ITPR2: variants seen among roughly 807,000 people sequenced by gnomAD.
ITPR2 encodes the protein inositol 1,4,5-trisphosphate receptor type 2, also known as inositol 1,4,5-trisphosphate-gated calcium channel ITPR2.
A neutral mutation model predicts 317.1 loss-of-function variants in ITPR2; 207 were observed. The observed-to-expected ratio is 0.65, with a 90% CI of 0.58 to 0.73. The LOEUF is 0.73. Among genes scored for constraint, ITPR2 ranks in the 30% least tolerant of loss-of-function variants. The pLI is 0.00. For synonymous variants in ITPR2, 1,156 were observed against 1,149.1 expected, an observed-to-expected ratio of 1.01 and a Z score of -0.12; for missense variants, 2,613 against 3,284.0, an observed-to-expected ratio of 0.80 and a Z score of 4.99.
chr12:26,392,440 C>T (rs2136637844), intron 54 of ITPR2, among the ~76,000 whole-genome samples: 1 of 152,266 alleles, frequency 6.6e-6, no homozygotes, highest in East Asian at 1.9e-4. Context: ...ACTTCCACCA[C>T]CGACTCCCAC....
intron 10 of ITPR2, among the ~76,000 whole-genome samples, chr12:26,690,697 A>C (rs987501229): frequency 6.6e-6 from 1 of 152,192 alleles, no homozygotes; most frequent in Non-Finnish European, 1.5e-5. Flanking sequence ...ACTCCTTGGT[A>C]ATGTCTCCCT....
At chr12:26,664,277 A>T (rs564041556) in intron 14 of ITPR2, among the ~76,000 whole-genome samples, 1 of 152,346 alleles carries the variant, frequency 6.6e-6, no homozygotes, top group South Asian at 2.1e-4. Context: ...TTTAAAACTG[A>T]CATCAGAAAA....
intron 37 of ITPR2, among the ~76,000 whole-genome samples, chr12:26,547,111 G>A (rs1043194622): frequency 3.9e-5 from 6 of 152,162 alleles, no homozygotes; most frequent in African/African-American, 1.4e-4. Context: ...AGAGTGAAGA[G>A]ACAACCTGTT....
chr12:26,761,863 A>G (rs1003790392), intron 2 of ITPR2, among the ~76,000 whole-genome samples: 1 of 152,202 alleles, frequency 6.6e-6, no homozygotes, highest in African/African-American at 2.4e-5. Context: ...CAGGAAAACA[A>G]TTACACAAAA....
At chr12:26,534,339 T>C (rs1189699010) in intron 37 of ITPR2, among the ~76,000 whole-genome samples, 1 of 152,194 alleles carries the variant, frequency 6.6e-6, no homozygotes, top group Non-Finnish European at 1.5e-5. Context: ...GGAAGAGAGA[T>C]GACACTTGCC....
rs1292826565 is a variant in ITPR2 at position 26,343,347 on chromosome 12, AT to A, written c.7858-3020del. On this transcript the variant is annotated intron_variant, in intron 55 of 56. Coordinates refer to ENST00000381340, the MANE Select transcript of ITPR2 (RefSeq NM_002223.4). ...GGTAGAACAACTTCAGGAAATGAAA[AT>A]TTTGGGGTGAGAGTGCCTTAAGTCT... 3.3e-5 allele frequency among the ~76,000 whole-genome samples: 5 copies of A among 152,310 alleles called. 1 individual carries two copies. Among genetic ancestry groups the A allele is most frequent in the African/African-American group, 1.2e-4 (5 of 41,570 alleles).
intron 28 of ITPR2, 119 bp downstream of exon 28, chr12:26,602,251 A>G: frequency 9.6e-7 from 1 of 1,041,090 alleles, no homozygotes; most frequent in Non-Finnish European, 1.4e-6. Flanking sequence ...GTGATGGGGC[A>G]CCTGGTGGGT....
At chr12:26,803,826 T>C (rs191258186) in intron 1 of ITPR2, among the ~76,000 whole-genome samples, 1 of 152,128 alleles carries the variant, frequency 6.6e-6, no homozygotes. Context: ...TAGGAGGAAA[T>C]AGTTGGCAAG....
rs140757019 is a variant in ITPR2 at position 26,527,662 on chromosome 12, C to T, written c.5073+22585G>A. Among the ~76,000 whole-genome samples, 3 of 152,240 alleles carry T rather than the reference C, an allele frequency of 2.0e-5. No homozygotes were observed. In the East Asian group the frequency reaches 5.8e-4, roughly 29 times the overall value. On this transcript the variant is annotated intron_variant, in intron 37 of 56. Coordinates refer to ENST00000381340, the MANE Select transcript of ITPR2 (RefSeq NM_002223.4). ...TTTAGTGGTAGCAGCTAATGAGATA[C>T]CAATACTAATGGTTTGTTATTCATC...
At chr12:26,405,070 G>A (rs970983408) in intron 52 of ITPR2, among the ~76,000 whole-genome samples, 3 of 151,918 alleles carry the variant, frequency 2.0e-5, no homozygotes, top group Non-Finnish European at 2.9e-5. Flanking sequence ...GGAGGCAGAG[G>A]TTGCAGTGAG....
chr12:26,640,984 C>A (rs1191982122), intron 21 of ITPR2, among the ~76,000 whole-genome samples: 1 of 152,068 alleles, frequency 6.6e-6, no homozygotes, highest in Non-Finnish European at 1.5e-5. Flanking sequence ...ATTTAAAGAG[C>A]TGAGTTATTA....
chr12:26,561,315 T>G (rs1056601457), intron 35 of ITPR2, among the ~76,000 whole-genome samples: 3 of 152,222 alleles, frequency 2.0e-5, no homozygotes, highest in African/African-American at 7.2e-5. Context: ...TGTGACATTC[T>G]GCAACAGCAG....
intron 55 of ITPR2, among the ~76,000 whole-genome samples, chr12:26,380,975 A>AG (rs1939492348): frequency 6.6e-6 from 1 of 152,184 alleles, no homozygotes; most frequent in Non-Finnish European, 1.5e-5. Flanking sequence ...TTAAGGTCTT[A>AG]ACAGATCATG....
At chr12:26,581,000 G>A (rs1470253302) in intron 32 of ITPR2, among the ~76,000 whole-genome samples, 1 of 152,112 alleles carries the variant, frequency 6.6e-6, no homozygotes, top group Non-Finnish European at 1.5e-5. Context: ...GGTGGGCAGA[G>A]AATGTTAGAA....
In ITPR2 at chr12:26,375,274, G is replaced by A. The variant is rs377099140; in HGVS notation, c.7857+12160C>T. On this transcript the variant is annotated intron_variant, in intron 55 of 56. Transcript: ENST00000381340. ...AGCAGGAGGAAATCTTTTTATTAAG[G>A]TTATGAGAATCAGAGAAGTGAACAT... Among the ~76,000 whole-genome samples the A allele has an allele frequency of 4.0e-4, 61 of 152,288 alleles. 1 individual carries two copies. The East Asian group carries it at 0.01, about 25-fold the overall frequency.
intron 9 of ITPR2, among the ~76,000 whole-genome samples, chr12:26,710,200 C>T (rs1182906423): frequency 6.6e-6 from 1 of 152,170 alleles, no homozygotes; most frequent in Non-Finnish European, 1.5e-5. Flanking sequence ...CCAGCCTGGG[C>T]AACAGGGCAA....
chr12:26,819,810 T>C (rs551126248), intron 1 of ITPR2, among the ~76,000 whole-genome samples: 10 of 151,586 alleles, frequency 6.6e-5, no homozygotes, highest in Non-Finnish European at 1.3e-4. Context: ...CTCACGCCTG[T>C]AATCCCAGCA....
In ITPR2 at chr12:26,698,461, C is replaced by T. The variant is rs74787898; in HGVS notation, c.952-2811G>A. Among the ~76,000 whole-genome samples the T allele has an allele frequency of 1.1e-3, 160 of 152,200 alleles. 1 individual carries two copies. The highest frequency in any genetic ancestry group is 3.5e-3 in the African/African-American group (145 of 41,540). The stretch of plus-strand genomic sequence containing the variant: ...TAAGTGGATGAAGGCACACACAAAA[C>T]ACAATGTACTGCATGATTCCATTTA... On this transcript the variant is annotated intron_variant, in intron 9 of 56. Transcript: ENST00000381340.
chr12:26,389,261 A>G (rs150941284), intron 54 of ITPR2, among the ~76,000 whole-genome samples: 30 of 152,334 alleles, frequency 2.0e-4, no homozygotes, highest in African/African-American at 5.5e-4. Flanking sequence ...CCTCCTCAAG[A>G]TAAAGGTCAA....
Sources: allele counts gnomAD v4.1 joint callset (sites outside exome capture counted in the v4.1 genomes callset), GRCh38; gene constraint gnomAD v4.1.1; transcripts MANE v1.5; gene names NCBI Gene and HGNC (gene_info 2026-07-23, HGNC 2026-07-21).